C18orf63: variants seen among roughly 807,000 people sequenced by gnomAD.
C18orf63 encodes the protein uncharacterized protein C18orf63.
C18orf63 carries 50 observed loss-of-function variants against 75.3 expected under a neutral mutation model. The observed-to-expected ratio is 0.66, with a 90% confidence interval of 0.53 to 0.84. The LOEUF (loss-of-function observed/expected upper bound fraction) is 0.84, where lower values mean the gene tolerates loss of function less well. Among genes scored for constraint, C18orf63 ranks in the 40% least tolerant of loss-of-function variants. The probability of loss-of-function intolerance (pLI) is 0.00; values close to 1 mark genes in which losing one functional copy is unlikely to be tolerated. For missense variants in C18orf63, 732 were observed against 800.2 expected, an observed-to-expected ratio of 0.91 and a Z score of 1.03; for synonymous variants, 232 against 267.6, an observed-to-expected ratio of 0.87 and a Z score of 1.30.
Position 74,353,950 on chromosome 18 carries a change from T to C in C18orf63, c.1683T>C (p.Ala561=). The C allele has an allele frequency of 1.3e-6, 2 of 1,536,226 alleles. No individual in the cohort carries two copies. The highest frequency in any genetic ancestry group is 2.0e-5 in the Admixed American group (1 of 50,994). The change falls in exon 12 of 14, where the codon GCT becomes GCC. Residue 561 remains alanine (A), a synonymous_variant. Coordinates refer to ENST00000579455, the MANE Select transcript of C18orf63 (RefSeq NM_001174123.2). ...ACAATTTAGGGGTGGTAAAAAGTGCTGTTGACTTCCAAATGAAAGGAAAAG... is the reference window on the plus strand; with the variant it reads ...ACAATTTAGGGGTGGTAAAAAGTGCCGTTGACTTCCAAATGAAAGGAAAAG... The part of the protein sequence containing the change: ...SNNNLGVVKS[A]VDFQMKGKEN...
At chr18:74,346,720 T>C (rs1487379042) in intron 11 of C18orf63, among the ~76,000 whole-genome samples, 3 of 152,202 alleles carry the variant, frequency 2.0e-5, no homozygotes, top group Non-Finnish European at 4.4e-5. Context: ...ATCAGAACAA[T>C]GCACTTGTTA....
At chr18:74,336,500 C>T (rs972560565) in intron 7 of C18orf63, among the ~76,000 whole-genome samples, 1 of 151,954 alleles carries the variant, frequency 6.6e-6, no homozygotes, top group South Asian at 2.1e-4. Context: ...ACTGATTTTT[C>T]TAGAATCTCC....
chr18:74,353,717 G>A lies in C18orf63; in HGVS notation c.1450G>A (p.Gly484Ser), dbSNP rs1568241139. 2 of 1,535,842 alleles carry A rather than the reference G, an allele frequency of 1.3e-6. No individual in the cohort carries two copies. Among genetic ancestry groups the A allele is most frequent in the Non-Finnish European group, 1.7e-6 (2 of 1,146,842 alleles). The change falls in exon 12 of 14, where the codon GGT becomes AGT. Residue 484 changes from glycine (G) to serine (S), a missense_variant. Transcript: ENST00000579455. ...GATCCAGCATGACAAACTGAATTTAGGTCCAGCTATAAAAAACCGTTATAG... is the reference window on the plus strand; with the variant it reads ...GATCCAGCATGACAAACTGAATTTAAGTCCAGCTATAAAAAACCGTTATAG... ...SMIQHDKLNL[G>S]PAIKNRYSSN... is the part of the protein sequence containing the mutation.
At chr18:74,327,637 G>A (rs1389349012) in intron 4 of C18orf63, among the ~76,000 whole-genome samples, 1 of 152,170 alleles carries the variant, frequency 6.6e-6, no homozygotes, top group Non-Finnish European at 1.5e-5. Context: ...TCTCTTTGTG[G>A]AGCAGAATAC....
chr18:74,333,885 G>A (rs1272622507), intron 7 of C18orf63, among the ~76,000 whole-genome samples: 2 of 152,132 alleles, frequency 1.3e-5, no homozygotes, highest in East Asian at 1.9e-4. Context: ...CACTCAACAT[G>A]TACTTGTTAA....
At chr18:74,345,011 G>A (rs1984549544) in intron 11 of C18orf63, among the ~76,000 whole-genome samples, 1 of 152,032 alleles carries the variant, frequency 6.6e-6, no homozygotes, top group Non-Finnish European at 1.5e-5. Flanking sequence ...CTGCCCCAAA[G>A]CAGTATAGGA....
At chr18:74,343,098 A>T (rs977138172) in intron 10 of C18orf63, among the ~76,000 whole-genome samples, 1 of 152,174 alleles carries the variant, frequency 6.6e-6, no homozygotes, top group African/African-American at 2.4e-5. Context: ...TTTCTCAAAG[A>T]ACTGCTTTTG....
rs965145266 is a variant in C18orf63, at chr18:74,358,988, C to A, written c.*2541C>A. On this transcript the variant is annotated 3_prime_UTR_variant, in exon 14 of 14. Coordinates refer to ENST00000579455, the MANE Select transcript of C18orf63 (RefSeq NM_001174123.2). ...GACTAACCAGTTGACCAATTTTGCT[C>A]TGTTTTCAAATTGCATATGATGGGG... 1 of 151,828 alleles carries A rather than the reference C, an allele frequency of 6.6e-6. No homozygotes were observed. The highest frequency in any genetic ancestry group is 1.5e-5 in the Non-Finnish European group (1 of 67,942). 9.4% of individuals were successfully genotyped at this position (151,828 alleles called of 1,614,324 possible). A position where few individuals can be genotyped will look rare whatever the true frequency, so the allele number is the denominator to read the frequency against.
At chr18:74,336,551 T>G (rs1599005216) in intron 7 of C18orf63, among the ~76,000 whole-genome samples, 1 of 152,128 alleles carries the variant, frequency 6.6e-6, no homozygotes, top group East Asian at 1.9e-4. Flanking sequence ...TTTTAAATGT[T>G]GCTGTTTCTT....
intron 13 of C18orf63, among the ~76,000 whole-genome samples, chr18:74,355,518 C>CA (rs1246907845): frequency 1.3e-5 from 2 of 152,134 alleles, no homozygotes; most frequent in East Asian, 3.8e-4. Context: ...GGGGGGCTTA[C>CA]ACCTGTAATT....
intron 8 of C18orf63, among the ~76,000 whole-genome samples, chr18:74,339,428 A>C (rs569508279): frequency 1.3e-5 from 2 of 152,290 alleles, no homozygotes; most frequent in South Asian, 4.1e-4. Flanking sequence ...TTGTGCTTAC[A>C]ATTGGCACAT....
At chr18:74,352,647 A>G (rs1352451704) in intron 11 of C18orf63, among the ~76,000 whole-genome samples, 2 of 152,198 alleles carry the variant, frequency 1.3e-5, no homozygotes, top group African/African-American at 4.8e-5. Flanking sequence ...CCACCTCTTC[A>G]TTAATTTCTT....
chr18:74,336,780 T>C (rs577944916), intron 7 of C18orf63, among the ~76,000 whole-genome samples: 1 of 152,232 alleles, frequency 6.6e-6, no homozygotes, highest in East Asian at 1.9e-4. Context: ...CTGTTCCCCC[T>C]GTGTAATTAT....
At chr18:74,331,398 T>G (rs1321152586) in intron 7 of C18orf63, among the ~76,000 whole-genome samples, 2 of 152,226 alleles carry the variant, frequency 1.3e-5, no homozygotes, top group Admixed American at 6.5e-5. Context: ...ATATGTCTTT[T>G]ATTTTGTGGA....
chr18:74,343,790 C>A (rs1177566952), intron 11 of C18orf63, 88 bp downstream of exon 11: 6 of 740,486 alleles, frequency 8.1e-6, no homozygotes, highest in Non-Finnish European at 1.2e-5. Flanking sequence ...GTGGAACACC[C>A]AACGCAGTGT....
intron 4 of C18orf63, among the ~76,000 whole-genome samples, chr18:74,323,037 TA>T (rs1364413035): frequency 6.6e-6 from 1 of 152,236 alleles, no homozygotes; most frequent in East Asian, 1.9e-4. Context: ...TTTTCACAGA[TA>T]AACCCAGAGT....
intron 7 of C18orf63, among the ~76,000 whole-genome samples, chr18:74,333,366 A>G (rs773341536): frequency 3.3e-5 from 5 of 152,148 alleles, no homozygotes; most frequent in Non-Finnish European, 5.9e-5. Flanking sequence ...CAATTTTACC[A>G]TCTGTATTAG....
intron 5 of C18orf63, 87 bp downstream of exon 5, chr18:74,328,145 A>G (rs1726924229): frequency 1.3e-6 from 1 of 795,098 alleles, no homozygotes. Context: ...GCTGCTAATA[A>G]AGACATACTG....
chr18:74,352,275 T>C (rs1305480848), intron 11 of C18orf63, among the ~76,000 whole-genome samples: 1 of 152,104 alleles, frequency 6.6e-6, no homozygotes, highest in Non-Finnish European at 1.5e-5. Flanking sequence ...ATTTACAGAG[T>C]ACAAAGTTTC....
Sources: gnomAD v4.1 joint callset for allele counts (sites outside exome capture counted in the v4.1 genomes callset) on GRCh38, gnomAD v4.1.1 for gene constraint, MANE v1.5 for transcripts, NCBI Gene and HGNC (gene_info 2026-07-23, HGNC 2026-07-21) for gene names.